Variants in OTUD7A observed in about 807,000 individuals in gnomAD.
OTUD7A encodes the protein OTU domain-containing protein 7A.
Under a neutral mutation model 65.7 loss-of-function variants are expected in OTUD7A, and 12 were observed. The ratio of observed to expected loss-of-function variants is 0.18; its 90% CI spans 0.12 to 0.30. The LOEUF (loss-of-function observed/expected upper bound fraction) is 0.30. OTUD7A is among the 10% of genes least tolerant of loss of function. The pLI is 1.00. For synonymous variants in OTUD7A, 641 were observed against 586.3 expected, an observed-to-expected ratio of 1.09 and a Z score of -1.35; for missense variants, 1,148 against 1,304.8, an observed-to-expected ratio of 0.88 and a Z score of 1.85.
At chr15:31,856,831 A>G (rs991164348) in intron 1 of OTUD7A, among the ~76,000 whole-genome samples, 3 of 152,248 alleles carry the variant, frequency 2.0e-5, no homozygotes, top group African/African-American at 7.2e-5. Flanking sequence ...CCAGATTGTC[A>G]TTTCTGGCTC....
intron 1 of OTUD7A, among the ~76,000 whole-genome samples, chr15:31,675,416 G>A (rs989298020): frequency 6.6e-6 from 1 of 152,116 alleles, no homozygotes; most frequent in Non-Finnish European, 1.5e-5. Flanking sequence ...TGATTCTCAT[G>A]CCAATACACT....
intron 3 of OTUD7A, among the ~76,000 whole-genome samples, chr15:31,651,291 C>T (rs189190933): frequency 2.3e-4 from 34 of 144,988 alleles, no homozygotes; most frequent in African/African-American, 1.1e-4. Flanking sequence ...TATTATAAAA[C>T]GCTCAGCAAA....
intron 1 of OTUD7A, among the ~76,000 whole-genome samples, chr15:31,720,754 A>G (rs1369977891): frequency 2.0e-5 from 3 of 150,960 alleles, no homozygotes; most frequent in African/African-American, 4.9e-5. Flanking sequence ...CAGTGTTTCT[A>G]AAGTCTACAG....
chr15:31,496,998 C>T (rs971205752), intron 10 of OTUD7A, among the ~76,000 whole-genome samples: 2 of 152,090 alleles, frequency 1.3e-5, no homozygotes, highest in East Asian at 1.9e-4. Flanking sequence ...CTGTAAGCCT[C>T]GATCCTTGCA....
intron 1 of OTUD7A, among the ~76,000 whole-genome samples, chr15:31,812,156 A>G (rs1896435271): frequency 6.6e-6 from 1 of 152,102 alleles, no homozygotes; most frequent in Admixed American, 6.6e-5. Context: ...CAGAGCCTCA[A>G]CCCGTGCATC....
intron 1 of OTUD7A, among the ~76,000 whole-genome samples, chr15:31,782,980 G>A (rs4482246): frequency 6.6e-6 from 1 of 152,162 alleles, no homozygotes; most frequent in African/African-American, 2.4e-5. Flanking sequence ...CGTGGAACTT[G>A]AGACCACCCA....
At chr15:31,682,125 G>C (rs1892731814) in intron 1 of OTUD7A, among the ~76,000 whole-genome samples, 1 of 152,220 alleles carries the variant, frequency 6.6e-6, no homozygotes, top group African/African-American at 2.4e-5. Context: ...GGTATGGACA[G>C]TGGTGCAAAG....
intron 1 of OTUD7A, among the ~76,000 whole-genome samples, chr15:31,742,410 C>T (rs1390774675): frequency 6.6e-6 from 1 of 151,970 alleles, no homozygotes; most frequent in Admixed American, 6.5e-5. Context: ...AATTGTGTTA[C>T]AACACATGCA....
chr15:31,510,137 T>A (rs967403788), intron 8 of OTUD7A, among the ~76,000 whole-genome samples: 5 of 151,782 alleles, frequency 3.3e-5, no homozygotes, highest in African/African-American at 1.2e-4. Flanking sequence ...TTTTCTGGGC[T>A]GGGTGGGATT....
At chr15:31,671,100 C>T (rs1432551349) in intron 1 of OTUD7A, among the ~76,000 whole-genome samples, 1 of 152,098 alleles carries the variant, frequency 6.6e-6, no homozygotes, top group Non-Finnish European at 1.5e-5. Context: ...CCAATCTTTG[C>T]TTTTATTGCA....
intron 1 of OTUD7A, among the ~76,000 whole-genome samples, chr15:31,776,728 C>T (rs1895391473): frequency 6.6e-6 from 1 of 152,120 alleles, no homozygotes; most frequent in Admixed American, 6.5e-5. Flanking sequence ...TCTGAAGGAA[C>T]CGGGGGTCCT....
intron 1 of OTUD7A, among the ~76,000 whole-genome samples, chr15:31,837,372 C>A (rs1315444094): frequency 1.6e-4 from 19 of 120,316 alleles, no homozygotes; most frequent in South Asian, 3.1e-4. Flanking sequence ...ACTAAAAATA[C>A]AAAAAAAAAA....
chr15:31,585,756 A>G (rs1167748390), intron 3 of OTUD7A, among the ~76,000 whole-genome samples: 2 of 152,198 alleles, frequency 1.3e-5, no homozygotes, highest in Non-Finnish European at 2.9e-5. Flanking sequence ...GTGTATACAT[A>G]AAGATGTATA....
chr15:31,575,977 T>TA (rs1348120907), intron 3 of OTUD7A, among the ~76,000 whole-genome samples: 2 of 152,100 alleles, frequency 1.3e-5, no homozygotes, highest in Non-Finnish European at 2.9e-5. Flanking sequence ...ACTAAAATGA[T>TA]AAAGTACTGA....
chr15:31,811,357 GGTGT>G (rs1370134625), intron 1 of OTUD7A, among the ~76,000 whole-genome samples: 1 of 151,480 alleles, frequency 6.6e-6, no homozygotes, highest in Admixed American at 6.6e-5. Flanking sequence ...GTGTGTGTGT[GGTGT>G]GTGTGATATG....
At position 31,753,685 on chromosome 15, in the gene OTUD7A, A is replaced by ATATATATATATATAT. The variant is rs1567004737; in HGVS notation, c.-99-96609_-99-96608insATATATATATATATA. Among the ~76,000 whole-genome samples the ATATATATATATATAT allele has an allele frequency of 3.2e-3, 266 of 83,730 alleles. 11 individuals carry two copies. Among genetic ancestry groups the ATATATATATATATAT allele is most frequent in the East Asian group, 0.01 (27 of 2,644 alleles). 54.9% of individuals were successfully genotyped at this position (83,730 alleles called of 152,430 possible). A position where few individuals can be genotyped will look rare whatever the true frequency, so the allele number is the denominator to read the frequency against. ...ATCATATATATATATATAACCTGTG[A>ATATATATATATATAT]GATATATATATATATATTATATATA... On this transcript the variant is annotated intron_variant, in intron 1 of 12. Coordinates refer to ENST00000307050, the MANE Select transcript of OTUD7A (RefSeq NM_001382637.1).
At chr15:31,694,581 C>T (rs1436821276) in intron 1 of OTUD7A, among the ~76,000 whole-genome samples, 1 of 152,134 alleles carries the variant, frequency 6.6e-6, no homozygotes, top group Non-Finnish European at 1.5e-5. Flanking sequence ...TTTATCCTGC[C>T]TAAATGAAAT....
At chr15:31,699,888 TTA>T (rs1427271137) in intron 1 of OTUD7A, among the ~76,000 whole-genome samples, 1 of 152,026 alleles carries the variant, frequency 6.6e-6, no homozygotes, top group Non-Finnish European at 1.5e-5. Context: ...GACGTTACAG[TTA>T]TGTTTCCCTC....
intron 3 of OTUD7A, among the ~76,000 whole-genome samples, chr15:31,592,904 A>AAATATATAT (rs1416029921): frequency 1.7e-5 from 1 of 59,386 alleles, no homozygotes; most frequent in Non-Finnish European, 2.7e-5. Flanking sequence ...AAAAAAAAAA[A>AAATATATAT]ATATATATAT....
Sources: allele counts gnomAD v4.1 joint callset (sites outside exome capture counted in the v4.1 genomes callset), GRCh38; gene constraint gnomAD v4.1.1; transcripts MANE v1.5; gene names NCBI Gene and HGNC (gene_info 2026-07-23, HGNC 2026-07-21).